The following ERC1 variants were observed in gnomAD, a reference collection of about 807,000 sequenced individuals.
ERC1 encodes the protein ELKS/RAB6-interacting/CAST family member 1.
Under a neutral mutation model 132.0 loss-of-function variants are expected in ERC1, and 56 were observed. The ratio of observed to expected loss-of-function variants is 0.42; its 90% confidence interval spans 0.34 to 0.53. ERC1 has a LOEUF of 0.53. ERC1 is among the 20% of genes least tolerant of loss of function. The pLI is 0.03. For missense variants in ERC1, 1,202 were observed against 1,349.9 expected, an observed-to-expected ratio of 0.89 and a Z score of 1.72; for synonymous variants, 478 against 476.1, an observed-to-expected ratio of 1.00 and a Z score of -0.05.
chr12:1,390,133 T>C (rs893244646), intron 16 of ERC1, among the ~76,000 whole-genome samples: 1 of 152,192 alleles, frequency 6.6e-6, no homozygotes, highest in Non-Finnish European at 1.5e-5. Context: ...TTATTAAAAT[T>C]TTTATTTTCT....
intron 12 of ERC1, among the ~76,000 whole-genome samples, chr12:1,202,003 G>GA (rs1282753641): frequency 1.3e-5 from 2 of 152,012 alleles, no homozygotes; most frequent in African/African-American, 4.8e-5. Context: ...TTTAAAAAAT[G>GA]AAAAAACTGA....
chr12:1,105,195 A>G (rs542425693), intron 4 of ERC1, among the ~76,000 whole-genome samples: 1 of 152,304 alleles, frequency 6.6e-6, no homozygotes, highest in Admixed American at 6.5e-5. Context: ...TCAAGTAAAA[A>G]TAGTGTTCCG....
intron 2 of ERC1, among the ~76,000 whole-genome samples, chr12:1,057,008 T>C (rs1026733536): frequency 7.2e-5 from 11 of 152,218 alleles, no homozygotes; most frequent in African/African-American, 2.7e-4. Context: ...AATATTTGAA[T>C]GATATTGAAT....
At chr12:1,309,565 A>T (rs1287946789) in intron 15 of ERC1, among the ~76,000 whole-genome samples, 1 of 151,814 alleles carries the variant, frequency 6.6e-6, no homozygotes, top group Non-Finnish European at 1.5e-5. Context: ...CTATTTTTTT[A>T]CTCTGACCCC....
chr12:1,353,105 A>G (rs2085178096), intron 15 of ERC1, among the ~76,000 whole-genome samples: 1 of 142,868 alleles, frequency 7.0e-6, no homozygotes, highest in Non-Finnish European at 1.5e-5. Context: ...ATCTCTGCTC[A>G]CTGCAAGCTC....
intron 15 of ERC1, among the ~76,000 whole-genome samples, chr12:1,315,922 C>T (rs2081668501): frequency 2.0e-5 from 3 of 151,286 alleles, no homozygotes; most frequent in Admixed American, 1.3e-4. Context: ...GACGGAGTCT[C>T]ACTCTGTCGC....
At chr12:1,286,345 G>C (rs1055566753) in intron 14 of ERC1, among the ~76,000 whole-genome samples, 6 of 144,318 alleles carry the variant, frequency 4.2e-5, no homozygotes, top group Admixed American at 6.9e-5. Context: ...CACAGTAAAA[G>C]ATGATAGAAG....
chr12:1,478,310 T>C (rs1436032193), intron 18 of ERC1, among the ~76,000 whole-genome samples: 1 of 151,856 alleles, frequency 6.6e-6, no homozygotes, highest in Non-Finnish European at 1.5e-5. Context: ...TAATGAGTTA[T>C]CCACCTTTTT....
At chr12:1,175,510 G>T (rs1953601690) in intron 8 of ERC1, among the ~76,000 whole-genome samples, 1 of 148,788 alleles carries the variant, frequency 6.7e-6, no homozygotes, top group African/African-American at 2.5e-5. Context: ...TACTCATTCA[G>T]AAGAAGCAGC....
intron 17 of ERC1, among the ~76,000 whole-genome samples, chr12:1,411,600 A>G (rs2091854679): frequency 6.6e-6 from 1 of 152,230 alleles, no homozygotes; most frequent in Non-Finnish European, 1.5e-5. Context: ...AGAGAAAGCT[A>G]AAGCTGAGAG....
chr12:1,422,593 C>T (rs1044242255), intron 17 of ERC1, among the ~76,000 whole-genome samples: 2 of 151,802 alleles, frequency 1.3e-5, no homozygotes, highest in Non-Finnish European at 2.9e-5. Flanking sequence ...TTTATCCATT[C>T]GTCTGTTGAT....
intron 17 of ERC1, among the ~76,000 whole-genome samples, chr12:1,418,780 ATAGCTTACCG>A (rs951992869): frequency 6.7e-6 from 1 of 149,816 alleles, no homozygotes; most frequent in African/African-American, 2.5e-5. Flanking sequence ...TGGCATGATC[ATAGCTTACCG>A]TAGCCTCGGA....
intron 1 of ERC1, among the ~76,000 whole-genome samples, chr12:1,021,555 C>T (rs968841703): frequency 1.9e-4 from 29 of 151,964 alleles, no homozygotes; most frequent in Admixed American, 1.0e-3. Context: ...AAAAATTAGC[C>T]GGGCGTGGTG....
intron 16 of ERC1, among the ~76,000 whole-genome samples, chr12:1,376,537 C>T (rs1167964564): frequency 6.6e-6 from 1 of 152,174 alleles, no homozygotes; most frequent in Non-Finnish European, 1.5e-5. Flanking sequence ...CTTTACATCA[C>T]CGGGTCTTCC....
chr12:1,307,200 A>G (rs75833290), intron 15 of ERC1, among the ~76,000 whole-genome samples: 3,849 of 152,324 alleles, frequency 0.025, 75 homozygotes, highest in South Asian at 0.079. Flanking sequence ...CAGGTCATTT[A>G]ATTTTGGACC....
At chr12:1,203,151 T>A (rs11837033) in intron 12 of ERC1, among the ~76,000 whole-genome samples, 3 of 152,000 alleles carry the variant, frequency 2.0e-5, no homozygotes, top group Non-Finnish European at 4.4e-5. Context: ...TCCACCTCCC[T>A]GGTTCAACCG....
Position 1,490,557 on chromosome 12 carries a change from G to C in ERC1, c.*327G>C. On this transcript the variant is annotated 3_prime_UTR_variant, in exon 19 of 19. Transcript: ENST00000360905. ...CCTGACAGAGAGCCATGGAGCAGAG[G>C]AGCCTCTCACCTCCTGTCCTCTGAC... 1 of 318,710 alleles carries C rather than the reference G, an allele frequency of 3.1e-6. No individual in the cohort carries two copies. Among genetic ancestry groups the C allele is most frequent in the Non-Finnish European group, 5.9e-6 (1 of 169,256 alleles). The allele number at this position is 318,710 out of a possible 1,614,324, so 19.7% of individuals were successfully genotyped here.
At chr12:1,330,459 A>G (rs1448906861) in intron 15 of ERC1, among the ~76,000 whole-genome samples, 1 of 149,572 alleles carries the variant, frequency 6.7e-6, no homozygotes, top group African/African-American at 2.5e-5. Context: ...TATTATTATT[A>G]TTATTTTATG....
chr12:995,215 T>TC (rs1420011760), intron 1 of ERC1, among the ~76,000 whole-genome samples: 2 of 151,694 alleles, frequency 1.3e-5, no homozygotes, highest in African/African-American at 4.8e-5. Flanking sequence ...TGTCATTCCG[T>TC]CGTTGCACTC....
Sources: allele counts gnomAD v4.1 joint callset (sites outside exome capture counted in the v4.1 genomes callset), GRCh38; gene constraint gnomAD v4.1.1; transcripts MANE v1.5; gene names NCBI Gene and HGNC (gene_info 2026-07-23, HGNC 2026-07-21).